The following FRMD3 variants were observed in gnomAD, a reference collection of about 807,000 sequenced individuals.
FRMD3 encodes the protein FERM domain-containing protein 3.
A neutral mutation model predicts 70.2 loss-of-function variants in FRMD3; 33 were observed. That is an observed-to-expected ratio of 0.47 (90% CI 0.36 to 0.63). FRMD3 has a LOEUF of 0.63. Among genes scored for constraint, FRMD3 ranks in the 20% least tolerant of loss-of-function variants. The probability of loss-of-function intolerance (pLI) is 0.00; values close to 1 mark genes in which losing one functional copy is unlikely to be tolerated. For missense variants in FRMD3, 632 were observed against 711.4 expected, an observed-to-expected ratio of 0.89 and a Z score of 1.27; for synonymous variants, 279 against 255.9, an observed-to-expected ratio of 1.09 and a Z score of -0.86.
the FRMD3 span, among the ~76,000 whole-genome samples, chr9:83,545,068 A>G: frequency 1.6e-3 from 239 of 152,314 alleles, 1 homozygote; most frequent in African/African-American, 5.4e-3. Flanking sequence ...AAAGAATTAA[A>G]AATATAGATT....
chr9:83,474,481 T>C (rs1828346643), intron 1 of FRMD3, among the ~76,000 whole-genome samples: 1 of 152,138 alleles, frequency 6.6e-6, no homozygotes, highest in Non-Finnish European at 1.5e-5. Flanking sequence ...GGGAGCAGAC[T>C]AGACTGCAAG....
intron 1 of FRMD3, among the ~76,000 whole-genome samples, chr9:83,522,566 A>T (rs370636175): frequency 2.5e-4 from 35 of 138,848 alleles, no homozygotes; most frequent in Non-Finnish European, 4.0e-4. Context: ...TATATATATA[A>T]TTTTTTTTTT....
At chr9:83,259,653 G>A (rs1832895296) in intron 13 of FRMD3, among the ~76,000 whole-genome samples, 1 of 152,154 alleles carries the variant, frequency 6.6e-6, no homozygotes, top group Admixed American at 6.6e-5. Flanking sequence ...CAGGATGGTA[G>A]CGAGAACATT....
intron 3 of FRMD3, among the ~76,000 whole-genome samples, chr9:83,359,008 T>C (rs554931364): frequency 2.9e-4 from 44 of 152,112 alleles, no homozygotes; most frequent in Non-Finnish European, 1.9e-4. Flanking sequence ...CTCTTCTACA[T>C]GGAAATGATT....
intron 1 of FRMD3, among the ~76,000 whole-genome samples, chr9:83,462,237 G>A (rs905948019): frequency 6.6e-6 from 1 of 152,092 alleles, no homozygotes; most frequent in Admixed American, 6.5e-5. Flanking sequence ...ATCTGGCTCT[G>A]GTCCCCCATA....
chr9:83,516,895 G>A (rs2131539745), intron 1 of FRMD3, among the ~76,000 whole-genome samples: 1 of 152,250 alleles, frequency 6.6e-6, no homozygotes, highest in South Asian at 2.1e-4. Flanking sequence ...TGAAATTAAG[G>A]TAGAAATAAA....
chr9:83,453,605 T>A (rs148814765), intron 1 of FRMD3, among the ~76,000 whole-genome samples: 3,355 of 152,202 alleles, frequency 0.022, 120 homozygotes, highest in Admixed American at 0.082. Context: ...ATAAAAAGAA[T>A]ATAAAATCTC....
At chr9:83,375,140 C>T (rs528677875) in intron 2 of FRMD3, among the ~76,000 whole-genome samples, 5 of 152,274 alleles carry the variant, frequency 3.3e-5, no homozygotes, top group African/African-American at 4.8e-5. Flanking sequence ...GATTCCAAAA[C>T]CAGGTGCAGG....
At chr9:83,356,528 G>T (rs1313373827) in intron 3 of FRMD3, among the ~76,000 whole-genome samples, 1 of 151,516 alleles carries the variant, frequency 6.6e-6, no homozygotes, top group East Asian at 1.9e-4. Flanking sequence ...CGCCCACCTC[G>T]GCCTCCCAAA....
At chr9:83,446,452 C>T (rs1188337635) in intron 1 of FRMD3, among the ~76,000 whole-genome samples, 16 of 151,734 alleles carry the variant, frequency 1.1e-4, no homozygotes, top group Non-Finnish European at 1.2e-4. Flanking sequence ...TCAAGACCAT[C>T]CTGGCTAACA....
intron 1 of FRMD3, among the ~76,000 whole-genome samples, chr9:83,517,574 C>T (rs575667134): frequency 6.6e-5 from 10 of 151,198 alleles, no homozygotes; most frequent in South Asian, 4.2e-4. Context: ...AAAAAGCACC[C>T]GGTACCATTC....
upstream of FRMD3, among the ~76,000 whole-genome samples, chr9:83,540,464 G>C (rs1432025309): frequency 6.6e-6 from 1 of 152,184 alleles, no homozygotes; most frequent in African/African-American, 2.4e-5. Flanking sequence ...GAATTTTGAA[G>C]AAATGAGAAG....
At chr9:83,506,616 C>T (rs531811692) in intron 1 of FRMD3, among the ~76,000 whole-genome samples, 4 of 152,226 alleles carry the variant, frequency 2.6e-5, no homozygotes, top group East Asian at 1.9e-4. Context: ...TGGGTGAGTG[C>T]GTGGTGACTG....
intron 6 of FRMD3, among the ~76,000 whole-genome samples, chr9:83,328,004 A>T (rs1332680850): frequency 6.6e-6 from 1 of 152,168 alleles, no homozygotes; most frequent in African/African-American, 2.4e-5. Flanking sequence ...CCACGCTATG[A>T]AAGAGACAGT....
the FRMD3 span, among the ~76,000 whole-genome samples, chr9:83,565,498 T>C: frequency 6.6e-6 from 1 of 152,200 alleles, no homozygotes; most frequent in African/African-American, 2.4e-5. Flanking sequence ...CTCTTCTTCT[T>C]AGAGCCTCAT....
chr9:83,432,852 C>T (rs1457954304), intron 1 of FRMD3, among the ~76,000 whole-genome samples: 1 of 152,158 alleles, frequency 6.6e-6, no homozygotes, highest in Non-Finnish European at 1.5e-5. Context: ...ACCTGTCACC[C>T]AAGTAGTGTA....
chr9:83,362,124 C>T (rs1192476562), intron 3 of FRMD3, among the ~76,000 whole-genome samples: 1 of 152,114 alleles, frequency 6.6e-6, no homozygotes, highest in East Asian at 1.9e-4. Context: ...AAGCTGGCCT[C>T]ATGAGTATGA....
chr9:83,247,036 T>C lies in FRMD3; in HGVS notation c.*882A>G. ...CTGTTACCTTTTTTCCTTTAAACTC[T>C]CACTTTCTTTTTAAAACATCTGCTT... On this transcript the variant is annotated 3_prime_UTR_variant, in exon 14 of 14. Coordinates refer to ENST00000304195, the MANE Select transcript of FRMD3 (RefSeq NM_174938.6). 1 of 985,370 alleles carries C rather than the reference T, an allele frequency of 1.0e-6. No individual in the cohort carries two copies. Among genetic ancestry groups the C allele is most frequent in the Non-Finnish European group, 1.2e-6 (1 of 829,894 alleles). 61.0% of individuals were successfully genotyped at this position (985,370 alleles called of 1,614,324 possible). A position where few individuals can be genotyped will look rare whatever the true frequency, so the allele number is the denominator to read the frequency against.
At chr9:83,582,528 T>C in the FRMD3 span, among the ~76,000 whole-genome samples, 1 of 152,216 alleles carries the variant, frequency 6.6e-6, no homozygotes, top group Non-Finnish European at 1.5e-5. Flanking sequence ...ACTCCCATTA[T>C]ATTGGAATAA....
Sources: allele counts gnomAD v4.1 joint callset (sites outside exome capture counted in the v4.1 genomes callset), GRCh38; gene constraint gnomAD v4.1.1; transcripts MANE v1.5; gene names NCBI Gene and HGNC (gene_info 2026-07-23, HGNC 2026-07-21).